SNTG2: variants seen among roughly 807,000 people sequenced by gnomAD.
The protein encoded by SNTG2 is gamma-2-syntrophin.
SNTG2 carries 74 observed loss-of-function variants against 70.9 expected under a neutral mutation model. The observed-to-expected ratio is 1.04, with a 90% confidence interval of 0.86 to 1.27. The LOEUF is 1.27. Among genes scored for constraint, SNTG2 ranks in the 50% most tolerant of loss-of-function variants. The pLI is 0.00. For missense variants in SNTG2, 717 were observed against 690.7 expected (o/e 1.04, Z -0.43); for synonymous variants, 278 against 273.8 (o/e 1.02, Z -0.15).
At chr2:1,339,451 A>C (rs1268364572) in intron 16 of SNTG2, among the ~76,000 whole-genome samples, 1 of 152,340 alleles carries the variant, frequency 6.6e-6, no homozygotes, top group South Asian at 2.1e-4. Flanking sequence ...ACAATCACTT[A>C]CCAGAGTTAT....
At chr2:1,304,483 T>C (rs1204989596) in intron 14 of SNTG2, among the ~76,000 whole-genome samples, 2 of 152,090 alleles carry the variant, frequency 1.3e-5, no homozygotes, top group African/African-American at 4.8e-5. Flanking sequence ...TCTCAGCACT[T>C]TGGGAGGCCA....
chr2:956,712 G>A (rs1222798329), intron 1 of SNTG2, among the ~76,000 whole-genome samples: 2 of 152,236 alleles, frequency 1.3e-5, no homozygotes, highest in African/African-American at 2.4e-5. Flanking sequence ...CGGGGAACTC[G>A]GTTCTGCCCT....
At chr2:1,303,699 C>T (rs1002268535) in intron 14 of SNTG2, among the ~76,000 whole-genome samples, 2 of 151,582 alleles carry the variant, frequency 1.3e-5, no homozygotes. Context: ...TTAAATTTGG[C>T]AAATGTTTAG....
intron 1 of SNTG2, among the ~76,000 whole-genome samples, chr2:1,076,385 A>G (rs1008349469): frequency 2.0e-5 from 3 of 152,144 alleles, no homozygotes; most frequent in African/African-American, 7.2e-5. Flanking sequence ...AGCACCTGAT[A>G]TGCATTCACT....
chr2:1,221,893 GTCTC>G (rs1480437485), intron 9 of SNTG2, among the ~76,000 whole-genome samples: 1 of 9,306 alleles, frequency 1.1e-4, no homozygotes, highest in African/African-American at 9.8e-4. Flanking sequence ...CTCTGTCTGT[GTCTC>G]TCTCTGTCTC....
intron 1 of SNTG2, among the ~76,000 whole-genome samples, chr2:1,044,628 AT>A (rs1558337190): frequency 6.6e-6 from 1 of 152,058 alleles, no homozygotes; most frequent in African/African-American, 2.4e-5. Context: ...AAAGCTTTTT[AT>A]GTGTTTATTG....
intron 4 of SNTG2, among the ~76,000 whole-genome samples, chr2:1,125,718 T>C (rs1029042886): frequency 6.9e-6 from 1 of 145,858 alleles, no homozygotes; most frequent in Non-Finnish European, 1.5e-5. Context: ...CTTAATTTAT[T>C]CTCAATTGAG....
At chr2:1,335,176 C>T (rs940377298) in intron 16 of SNTG2, among the ~76,000 whole-genome samples, 1 of 132,532 alleles carries the variant, frequency 7.5e-6, no homozygotes, top group African/African-American at 3.1e-5. Flanking sequence ...AACATACCCC[C>T]GTGCGTTCCT....
At chr2:1,071,158 C>T (rs1444974284) in intron 1 of SNTG2, among the ~76,000 whole-genome samples, 1 of 152,064 alleles carries the variant, frequency 6.6e-6, no homozygotes, top group Non-Finnish European at 1.5e-5. Context: ...TGGGTATATA[C>T]CCAAATGACT....
intron 1 of SNTG2, among the ~76,000 whole-genome samples, chr2:1,065,725 A>AT (rs1491230164): frequency 3.4e-5 from 1 of 29,582 alleles, no homozygotes; most frequent in Non-Finnish European, 9.2e-5. Flanking sequence ...ATTTGCAGTT[A>AT]TTTTTTGTAT....
At chr2:1,115,827 C>A (rs1010273861) in intron 4 of SNTG2, among the ~76,000 whole-genome samples, 3 of 152,226 alleles carry the variant, frequency 2.0e-5, no homozygotes, top group Non-Finnish European at 2.9e-5. Flanking sequence ...TGTGCAGGGA[C>A]AGTCACTGAA....
intron 16 of SNTG2, among the ~76,000 whole-genome samples, chr2:1,321,888 CCTTT>C (rs946258015): frequency 2.6e-5 from 4 of 151,298 alleles, no homozygotes; most frequent in African/African-American, 9.7e-5. Flanking sequence ...TTCCTTCCTT[CCTTT>C]CCTTCTTTCT....
intron 14 of SNTG2, among the ~76,000 whole-genome samples, chr2:1,287,412 C>T (rs1017583085): frequency 6.6e-6 from 1 of 152,164 alleles, no homozygotes; most frequent in Non-Finnish European, 1.5e-5. Flanking sequence ...TCTCACCTCA[C>T]CTCTGTGCTG....
chr2:1,222,063 GTTTC>G (rs1553362166), intron 9 of SNTG2, among the ~76,000 whole-genome samples: 105 of 4,204 alleles, frequency 0.025, 29 homozygotes, highest in Non-Finnish European at 0.038. Flanking sequence ...CTCTGTCTCT[GTTTC>G]TCTCTGTCTC....
intron 1 of SNTG2, among the ~76,000 whole-genome samples, chr2:959,702 C>T (rs60101322): frequency 0.02 from 2,911 of 145,714 alleles, 109 homozygotes; most frequent in African/African-American, 0.07. Flanking sequence ...CTTTGTGACC[C>T]GGGGCTGGAG....
At position 1,323,873 on chromosome 2, in the gene SNTG2, G is replaced by A. The variant is rs114073305; in HGVS notation, c.1488+7498G>A. Among the ~76,000 whole-genome samples, 553 of 149,890 alleles carry A rather than the reference G, an allele frequency of 3.7e-3. 4 individuals are homozygous for A. The highest frequency in any genetic ancestry group is 0.013 in the African/African-American group (520 of 40,612). On this transcript the variant is annotated intron_variant, in intron 16 of 16. Coordinates refer to ENST00000308624, the MANE Select transcript of SNTG2 (RefSeq NM_018968.4). ...AACAGTCATATTGCTGAGACCTCCCGCCACCCAGTAATGTGGGACATGGGT... is the reference window on the plus strand; with the variant it reads ...AACAGTCATATTGCTGAGACCTCCCACCACCCAGTAATGTGGGACATGGGT...
At chr2:1,269,885 G>A (rs1287825736) in intron 14 of SNTG2, among the ~76,000 whole-genome samples, 2 of 152,144 alleles carry the variant, frequency 1.3e-5, no homozygotes. Flanking sequence ...GTGGGTGTGG[G>A]CATCCATCCA....
chr2:1,313,151 G>T (rs1282671327), intron 15 of SNTG2, among the ~76,000 whole-genome samples: 1 of 152,226 alleles, frequency 6.6e-6, no homozygotes, highest in Non-Finnish European at 1.5e-5. Flanking sequence ...ATCAGAATGT[G>T]TTCCAAAGGA....
intron 13 of SNTG2, among the ~76,000 whole-genome samples, chr2:1,262,143 TTATGA>T (rs1317926677): frequency 1.3e-5 from 2 of 152,172 alleles, no homozygotes; most frequent in Non-Finnish European, 2.9e-5. Context: ...TTCAAGTCTA[TTATGA>T]TAGGAGAGAG....
Sources: allele counts gnomAD v4.1 joint callset (sites outside exome capture counted in the v4.1 genomes callset), GRCh38; gene constraint gnomAD v4.1.1; transcripts MANE v1.5; gene names NCBI Gene and HGNC (gene_info 2026-07-23, HGNC 2026-07-21).